The following NR3C2 variants were observed in gnomAD, a reference collection of about 807,000 sequenced individuals.
NR3C2 encodes nuclear receptor subfamily 3 group C member 2.
Under a neutral mutation model 86.4 loss-of-function variants are expected in NR3C2, and 15 were observed. The ratio of observed to expected loss-of-function variants is 0.17; its 90% CI spans 0.12 to 0.27. The LOEUF is 0.27. Ranked by LOEUF, NR3C2 falls within the 10% of genes least tolerant of loss-of-function variation. The pLI, the probability that NR3C2 is intolerant of heterozygous loss-of-function variation, is 1.00. For missense variants in NR3C2, 960 were observed against 1,195.6 expected (o/e 0.80, Z 2.91); for synonymous variants, 458 against 450.5 (o/e 1.02, Z -0.21).
chr4:148,316,832 C>G (rs1020774164), intron 2 of NR3C2, among the ~76,000 whole-genome samples: 1 of 152,040 alleles, frequency 6.6e-6, no homozygotes, highest in East Asian at 1.9e-4. Flanking sequence ...GACAGGCTCT[C>G]GCTCTGTTGC....
chr4:148,366,349 C>A (rs1459424292), intron 2 of NR3C2, among the ~76,000 whole-genome samples: 1 of 103,198 alleles, frequency 9.7e-6, no homozygotes. Context: ...TTCAGCAGAA[C>A]CTGTCATAGC....
chr4:148,231,873 G>T (rs1738480663), intron 3 of NR3C2, among the ~76,000 whole-genome samples: 1 of 152,270 alleles, frequency 6.6e-6, no homozygotes, highest in African/African-American at 2.4e-5. Flanking sequence ...TCCAGGAGAA[G>T]ATTCCATTTC....
At chr4:148,254,365 A>G (rs192522544) in intron 3 of NR3C2, among the ~76,000 whole-genome samples, 2 of 152,324 alleles carry the variant, frequency 1.3e-5, no homozygotes, top group Non-Finnish European at 2.9e-5. Context: ...TGGTAACACA[A>G]AATTGCTTCT....
chr4:148,433,669 T>C (rs1749903702), intron 2 of NR3C2, among the ~76,000 whole-genome samples: 1 of 152,172 alleles, frequency 6.6e-6, no homozygotes, highest in Non-Finnish European at 1.5e-5. Flanking sequence ...GTAGCAGAGT[T>C]GGGATTTCAA....
At chr4:148,443,450 C>T (rs1392395313), upstream of NR3C2, among the ~76,000 whole-genome samples, 1 of 151,880 alleles carries the variant, frequency 6.6e-6, no homozygotes, top group African/African-American at 2.4e-5. Flanking sequence ...GAGAAACAGA[C>T]AGGAGGGGGG....
chr4:148,310,135 T>C (rs969005410), intron 2 of NR3C2, among the ~76,000 whole-genome samples: 2 of 152,214 alleles, frequency 1.3e-5, no homozygotes, highest in Admixed American at 1.3e-4. Context: ...AGATACTTCC[T>C]CCTAAACTAC....
At chr4:148,323,984 T>C (rs1432747368) in intron 2 of NR3C2, among the ~76,000 whole-genome samples, 2 of 152,162 alleles carry the variant, frequency 1.3e-5, no homozygotes, top group African/African-American at 4.8e-5. Context: ...TCTGTCTCCA[T>C]TTCACAAATT....
intron 3 of NR3C2, among the ~76,000 whole-genome samples, chr4:148,231,172 C>A (rs187535940): frequency 6.6e-6 from 1 of 152,178 alleles, no homozygotes; most frequent in African/African-American, 2.4e-5. Context: ...CTAAAAGTAT[C>A]ATTTTCTTAG....
chr4:148,366,777 A>C (rs1579212155), intron 2 of NR3C2, among the ~76,000 whole-genome samples: 1 of 152,036 alleles, frequency 6.6e-6, no homozygotes, highest in African/African-American at 2.4e-5. Context: ...TTACCCCCCC[A>C]AAAAAACCCA....
chr4:148,403,461 A>C (rs1237297528), intron 2 of NR3C2, among the ~76,000 whole-genome samples: 3 of 152,042 alleles, frequency 2.0e-5, no homozygotes, highest in Non-Finnish European at 2.9e-5. Flanking sequence ...AGAAAAATAC[A>C]AGTTTAGGGA....
At chr4:148,146,233 T>A (rs1285820863) in intron 6 of NR3C2, among the ~76,000 whole-genome samples, 1 of 151,416 alleles carries the variant, frequency 6.6e-6, no homozygotes, top group Non-Finnish European at 1.5e-5. Context: ...GTGAGGAGGG[T>A]CCAGGCACAG....
At chr4:148,350,386 A>G (rs1745214437) in intron 2 of NR3C2, among the ~76,000 whole-genome samples, 1 of 152,212 alleles carries the variant, frequency 6.6e-6, no homozygotes, top group Non-Finnish European at 1.5e-5. Flanking sequence ...CTTTTGATTA[A>G]TAAGTACTTG....
chr4:148,143,947 CAAAA>C lies in NR3C2; in HGVS notation c.2510+8518_2510+8521del, dbSNP rs67177081. Among the ~76,000 whole-genome samples the C allele has an allele frequency of 6.2e-5, 4 of 64,432 alleles. No individual in the cohort carries two copies. The East Asian group carries it at 1.6e-3, about 26-fold the overall frequency. The allele number at this position is 64,432 out of a possible 152,430, so 42.3% of individuals were successfully genotyped here. ...GGGCAACAAGAGCGAAACTCTGTCT[CAAAA>C]AAAAAAAAAAAAAAAAAAAAGACAA... On this transcript the variant is annotated intron_variant, in intron 6 of 8. Coordinates refer to ENST00000358102, the MANE Select transcript of NR3C2 (RefSeq NM_000901.5).
intron 6 of NR3C2, among the ~76,000 whole-genome samples, chr4:148,150,199 C>T (rs1734042763): frequency 6.6e-6 from 1 of 152,176 alleles, no homozygotes; most frequent in Admixed American, 6.5e-5. Flanking sequence ...TCTATAAAGT[C>T]ACAGCAAACA....
In NR3C2 at chr4:148,436,271, G is replaced by C; in HGVS notation, c.590C>G (p.Pro197Arg). The change falls in exon 2 of 9, where the codon CCT becomes CGT. Residue 197 changes from proline (P) to arginine (R), a missense_variant. By Grantham distance (103) the Pro-to-Arg change is moderately radical. This residue lies in a region of NR3C2 where 680 missense variants were observed against 719.0 expected (regional missense o/e 0.95). Transcript: ENST00000358102. Reference protein sequence around the residue: ...CHEKSPSVCSPLNMTSSVCSP... With the variant: ...CHEKSPSVCSRLNMTSSVCSP... ...GCAAACCGAAGATGTCATGTTCAGA[G>C]GGCTGCAAACAGACGGGCTTTTCTC... is the stretch of plus-strand genomic sequence containing the variant. The C allele has an allele frequency of 6.2e-7, 1 of 1,614,182 alleles. No homozygotes were observed. The highest frequency in any genetic ancestry group is 8.5e-7 in the Non-Finnish European group (1 of 1,180,020).
At chr4:148,409,048 G>A (rs909937498) in intron 2 of NR3C2, among the ~76,000 whole-genome samples, 3 of 152,128 alleles carry the variant, frequency 2.0e-5, no homozygotes, top group African/African-American at 7.2e-5. Flanking sequence ...TGTTGTAAAT[G>A]TTTGTCCAAA....
chr4:148,390,611 C>G lies in NR3C2; in HGVS notation c.1757+44493G>C, dbSNP rs572773312. Among the ~76,000 whole-genome samples the G allele has an allele frequency of 2.0e-5, 3 of 152,268 alleles. No homozygotes were observed. In the East Asian group the frequency reaches 5.8e-4, roughly 29 times the overall value. ...GTTCTATTCAAGTAGCTGCTGTTTACTTGGTGATGTGTGACCCCAGAATTC... is the reference window on the plus strand; with the variant it reads ...GTTCTATTCAAGTAGCTGCTGTTTAGTTGGTGATGTGTGACCCCAGAATTC... On this transcript the variant is annotated intron_variant, in intron 2 of 8. Coordinates refer to ENST00000358102, the MANE Select transcript of NR3C2 (RefSeq NM_000901.5).
intron 3 of NR3C2, among the ~76,000 whole-genome samples, chr4:148,213,956 G>A (rs1236736448): frequency 6.6e-6 from 1 of 152,180 alleles, no homozygotes; most frequent in African/African-American, 2.4e-5. Flanking sequence ...TTATTGAAAA[G>A]AAAGTTTCAC....
chr4:148,160,236 C>G (rs1734595694), intron 4 of NR3C2, among the ~76,000 whole-genome samples: 1 of 152,124 alleles, frequency 6.6e-6, no homozygotes, highest in Non-Finnish European at 1.5e-5. Flanking sequence ...GGAACTGGCA[C>G]TGGGGAGGCC....
Sources: gnomAD v4.1 joint callset for allele counts (sites outside exome capture counted in the v4.1 genomes callset) on GRCh38, gnomAD v4.1.1 for gene constraint, gnomAD v4.1.1 regional missense constraint, MANE v1.5 for transcripts, NCBI Gene and HGNC (gene_info 2026-07-23, HGNC 2026-07-21) for gene names.